Variants in ALDH4A1 observed in about 807,000 individuals in gnomAD.
ALDH4A1 encodes delta-1-pyrroline-5-carboxylate dehydrogenase, mitochondrial.
Under a neutral mutation model 70.5 loss-of-function variants are expected in ALDH4A1, and 46 were observed. The ratio of observed to expected loss-of-function variants is 0.65; its 90% confidence interval spans 0.51 to 0.83. The LOEUF (loss-of-function observed/expected upper bound fraction) is 0.83. ALDH4A1 is among the 40% of genes least tolerant of loss of function. The pLI is 0.00. For missense variants in ALDH4A1, 749 were observed against 766.5 expected, an observed-to-expected ratio of 0.98 and a Z score of 0.27; for synonymous variants, 323 against 324.3, an observed-to-expected ratio of 1.00 and a Z score of 0.04.
In ALDH4A1 at chr1:18,896,445, A is replaced by G. The variant is rs140801462; in HGVS notation, c.62+6017T>C. ...AGGGGTGGCCAAGGACAAGGAGAGG[A>G]GAAATAGAAAGGAAATTATCTTTGC... On this transcript the variant is annotated intron_variant, in intron 1 of 14. Coordinates refer to ENST00000375341, the MANE Select transcript of ALDH4A1 (RefSeq NM_003748.4). Among the ~76,000 whole-genome samples, 634 of 152,296 alleles carry G rather than the reference A, an allele frequency of 4.2e-3. 7 individuals are homozygous for G. The highest frequency in any genetic ancestry group is 0.014 in the African/African-American group (590 of 41,556).
rs767240770 is a variant in ALDH4A1, at chr1:18,875,402, C to T, written c.1440G>A (p.Gly480=). 6.2e-7 allele frequency: 1 copy of T among 1,614,174 alleles called. No individual in the cohort carries two copies. The highest frequency in any genetic ancestry group is 8.5e-7 in the Non-Finnish European group (1 of 1,180,016). The part of the protein sequence containing the change: ...VDSTTSYGLT[G]AVFSQDKDVV... ...CTCACTTATCCTGGGAGAACACTGC[C>T]CCCGTGAGGCCATAGCTGGTGGTGC... is the stretch of plus-strand genomic sequence containing the variant. The change falls in exon 13 of 15, where the codon GGG becomes GGA. Residue 480 remains glycine (G), a synonymous_variant. Transcript: ENST00000375341.
chr1:18,875,098 C>A (rs1470795582), intron 13 of ALDH4A1, among the ~76,000 whole-genome samples: 2 of 152,246 alleles, frequency 1.3e-5, no homozygotes, highest in Non-Finnish European at 2.9e-5. Context: ...AACACCAGAT[C>A]CCGCAGAGCC....
chr1:18,877,672 GCC>G (rs901571593), intron 9 of ALDH4A1, 60 bp from the exon 10 acceptor site: 32 of 1,450,520 alleles, frequency 2.2e-5, no homozygotes, highest in Non-Finnish European at 3.0e-5. Context: ...TTGCCCAGGG[GCC>G]CAAAACACCA....
chr1:18,902,550 T>G lies in ALDH4A1; in HGVS notation c.-27A>C. On this transcript the variant is annotated 5_prime_UTR_variant, in exon 1 of 15. Coordinates refer to ENST00000375341, the MANE Select transcript of ALDH4A1 (RefSeq NM_003748.4). ...TCGGGTTAGAAGCGGGGCTGTTCGC[T>G]GGATCGTCCGCCCGGGCGCGGCGAG... 1.4e-6 allele frequency: 2 copies of G among 1,473,822 alleles called. No individual in the cohort carries two copies. Among genetic ancestry groups the G allele is most frequent in the Non-Finnish European group, 1.8e-6 (2 of 1,111,158 alleles). The allele number at this position is 1,473,822 out of a possible 1,614,324, so 91.3% of individuals were successfully genotyped here.
At position 18,883,156 on chromosome 1, in the gene ALDH4A1, C is replaced by T. The variant is rs775156461; in HGVS notation, c.646G>A (p.Gly216Ser). ...AISPFNFTAI[G>S]GNLAGAPALM... ...GCCGGTGCCCCCGCCAGGTTGCCGCCGATTGCAGTGAAGTTAAAGGGCGAG... is the reference window on the plus strand; with the variant it reads ...GCCGGTGCCCCCGCCAGGTTGCCGCTGATTGCAGTGAAGTTAAAGGGCGAG... Residue 216 changes from glycine to serine, a missense_variant, in exon 7 of 15, where the codon GGC becomes AGC. Physicochemically the swap from Gly to Ser is moderately conservative, Grantham distance 56. Transcript: ENST00000375341. The T allele has an allele frequency of 7.4e-6, 12 of 1,613,190 alleles. No homozygotes were observed. The highest frequency in any genetic ancestry group is 1.3e-5 in the African/African-American group (1 of 75,066).
At chr1:18,891,354 A>T (rs1397117178) in intron 1 of ALDH4A1, among the ~76,000 whole-genome samples, 1 of 152,210 alleles carries the variant, frequency 6.6e-6, no homozygotes, top group Non-Finnish European at 1.5e-5. Context: ...TCCTAAAAGG[A>T]AAATGACTAG....
intron 3 of ALDH4A1, 26 bp downstream of exon 3, chr1:18,889,336 G>A (rs773850433): frequency 3.2e-6 from 5 of 1,542,624 alleles, no homozygotes; most frequent in Non-Finnish European, 3.5e-6. Flanking sequence ...GGGAGGGGCT[G>A]AGCTCTGCCC....
At chr1:18,900,782 A>G in intron 1 of ALDH4A1, 1 of 888,480 alleles carries the variant, frequency 1.1e-6, no homozygotes, top group Non-Finnish European at 1.3e-6. Flanking sequence ...AATTCAGAGC[A>G]TAAATCTGGA....
Position 18,883,138 on chromosome 1 carries a change from C to T in ALDH4A1, c.664G>A (p.Ala222Thr). 1 of 1,613,162 alleles carries T rather than the reference C, an allele frequency of 6.2e-7. No homozygotes were observed. Among genetic ancestry groups the T allele is most frequent in the Non-Finnish European group, 8.5e-7 (1 of 1,180,040 alleles). The part of the protein sequence containing the change: ...FTAIGGNLAG[A>T]PALMGNVVLW... ...CCACATCTCACCATCAGGGCCGGTG[C>T]CCCCGCCAGGTTGCCGCCGATTGCA... The change falls in exon 7 of 15, where the codon GCA becomes ACA. Residue 222 changes from alanine to threonine, a missense_variant. Coordinates refer to ENST00000375341, the MANE Select transcript of ALDH4A1 (RefSeq NM_003748.4).
chr1:18,898,053 C>T lies in ALDH4A1; in HGVS notation c.62+4409G>A, dbSNP rs1322709112. Among the ~76,000 whole-genome samples, 1 of 151,962 alleles carries T rather than the reference C, an allele frequency of 6.6e-6. No homozygotes were observed. The highest frequency in any genetic ancestry group is 1.9e-4 in the East Asian group (1 of 5,176). On this transcript the variant is annotated intron_variant, in intron 1 of 14. Transcript: ENST00000375341. This position sits in a 1 kb window ranked among gnomAD's most constrained non-coding sequence, Gnocchi z 4.3. ...ACAGAAGGTCGGACGCAGTGGCTCACGCCTATAATCCCAGCACTTTGGGAG... is the reference window on the plus strand; with the variant it reads ...ACAGAAGGTCGGACGCAGTGGCTCATGCCTATAATCCCAGCACTTTGGGAG...
intron 5 of ALDH4A1, 42 bp downstream of exon 5, chr1:18,885,431 A>ACCCCCACCCCCCCCCCC: frequency 2.1e-6 from 1 of 478,978 alleles, no homozygotes; most frequent in Non-Finnish European, 3.5e-6. Context: ...CCTGACTCCC[A>ACCCCCACCCCCCCCCCC]CCCCACCCCG....
chr1:18,875,411 G>A lies in ALDH4A1; in HGVS notation c.1431C>T (p.Gly477=), dbSNP rs1333923586. 1.2e-6 allele frequency: 2 copies of A among 1,614,060 alleles called. No homozygotes were observed. The highest frequency in any genetic ancestry group is 1.7e-6 in the Non-Finnish European group (2 of 1,180,018). The change falls in exon 13 of 15, where the codon GGC becomes GGT. Residue 477 remains glycine (G), a synonymous_variant. Coordinates refer to ENST00000375341, the MANE Select transcript of ALDH4A1 (RefSeq NM_003748.4). ...CCTGGGAGAACACTGCCCCCGTGAG[G>A]CCATAGCTGGTGGTGCTGTCAACCA... The part of the protein sequence containing the change: ...LQLVDSTTSY[G]LTGAVFSQDK...
chr1:18,874,070 C>T (rs185698674), intron 14 of ALDH4A1, among the ~76,000 whole-genome samples: 5 of 152,240 alleles, frequency 3.3e-5, no homozygotes, highest in Admixed American at 1.3e-4. Flanking sequence ...AACCCCAGCA[C>T]GCCTGGGTTC....
Position 18,874,533 on chromosome 1 carries a change from G to A in ALDH4A1, c.1509C>T (p.Asn503=), listed in dbSNP as rs1174205980. 15 of 1,614,108 alleles carry A rather than the reference G, an allele frequency of 9.3e-6. No individual in the cohort carries two copies. Among genetic ancestry groups the A allele is most frequent in the Middle Eastern group, 1.6e-4 (1 of 6,084 alleles). The stretch of plus-strand genomic sequence containing the variant: ...CAGTGGACTTGTCGTTGATGTAGAA[G>A]TTGCCGGCAGCATTCCTCAGCACCT... ...ATKVLRNAAG[N]FYINDKSTGS... is the part of the protein sequence containing the mutation. Residue 503 remains asparagine, a synonymous_variant, in exon 14 of 15, where the codon AAC becomes AAT. Coordinates refer to ENST00000375341, the MANE Select transcript of ALDH4A1 (RefSeq NM_003748.4).
At chr1:18,886,027 C>G (rs987450178) in intron 4 of ALDH4A1, among the ~76,000 whole-genome samples, 2 of 152,222 alleles carry the variant, frequency 1.3e-5, no homozygotes, top group Non-Finnish European at 2.9e-5. Flanking sequence ...CTCCCAGACC[C>G]CAACTGCCCT....
intron 4 of ALDH4A1, among the ~76,000 whole-genome samples, 191 bp downstream of exon 4, chr1:18,886,273 T>A (rs1221909588): frequency 6.6e-6 from 1 of 152,174 alleles, no homozygotes; most frequent in Non-Finnish European, 1.5e-5. Flanking sequence ...TTAACCTTTG[T>A]ATGCCTGGCC....
chr1:18,889,234 C>T lies in ALDH4A1; in HGVS notation c.249+128G>A, dbSNP rs546866554. ...TTTACTGGTCCACAGAATTCAAAAT[C>T]TGGGGTGGGGAGGGGCACTATAAAG... On this transcript the variant is annotated intron_variant, in intron 3 of 14. Coordinates refer to ENST00000375341, the MANE Select transcript of ALDH4A1 (RefSeq NM_003748.4). The T allele has an allele frequency of 4.4e-4, 358 of 820,568 alleles. 3 individuals are homozygous for T. The South Asian group carries it at 5.2e-3, about 12-fold the overall frequency. The allele number at this position is 820,568 out of a possible 1,614,324, so 50.8% of individuals were successfully genotyped here.
In ALDH4A1 at chr1:18,874,575, G is replaced by C. The variant is rs377587520; in HGVS notation, c.1467C>G (p.Val489=). 153 of 1,614,030 alleles carry C rather than the reference G, an allele frequency of 9.5e-5. 2 individuals carry two copies. The Middle Eastern group carries it at 2.8e-3, about 29-fold the overall frequency. Residue 489 remains valine (V), a synonymous_variant, in exon 14 of 15, where the codon GTC becomes GTG. Coordinates refer to ENST00000375341, the MANE Select transcript of ALDH4A1 (RefSeq NM_003748.4). ...TCAGCACCTTTGTGGCCTCCTGCAC[G>C]ACGTCCCTACAAAGCAGAGCAGTGG... ...TGAVFSQDKD[V]VQEATKVLRN... is the part of the protein sequence containing the mutation.
chr1:18,899,677 A>T (rs976348574), intron 1 of ALDH4A1, among the ~76,000 whole-genome samples: 1 of 152,146 alleles, frequency 6.6e-6, no homozygotes, highest in African/African-American at 2.4e-5. Flanking sequence ...GGGGGTGGTA[A>T]CCCCTACATC....
Sources: gnomAD v4.1 joint callset for allele counts (sites outside exome capture counted in the v4.1 genomes callset) on GRCh38, gnomAD v4.1.1 for gene constraint, Gnocchi (gnomAD v3.1) non-coding constraint, MANE v1.5 for transcripts, NCBI Gene and HGNC (gene_info 2026-07-23, HGNC 2026-07-21) for gene names.